The following CEP192 variants were observed in gnomAD, a reference collection of about 807,000 sequenced individuals.
The protein encoded by CEP192 is centrosomal protein 192, also known as centrosomal protein of 192 kDa.
In CEP192, 151 loss-of-function variants were observed where a neutral mutation model predicts 271.8. The ratio of observed to expected loss-of-function variants is 0.56; its 90% CI spans 0.49 to 0.64. CEP192 has a LOEUF of 0.64. Among genes scored for constraint, CEP192 ranks in the 30% least tolerant of loss-of-function variants. The pLI is 0.00. For synonymous variants in CEP192, 995 were observed against 1,076.5 expected, an observed-to-expected ratio of 0.92 and a Z score of 1.48; for missense variants, 2,910 against 3,020.5, an observed-to-expected ratio of 0.96 and a Z score of 0.86.
In CEP192 at chr18:13,099,557, T is replaced by A; in HGVS notation, c.6639T>A (p.Tyr2213Ter). Residue 2213 changes from tyrosine to a stop codon, truncating the protein, a stop_gained, in exon 37 of 45, where the codon TAT (tyrosine) becomes TAA (stop). Transcript: ENST00000506447. LOFTEE classifies it high-confidence loss of function. ...TGTTCCCGTGGAGTGGTTTGATCTA[T>A]ATACACTGTGACGATGGACAGAAGG... ...QSMFPWSGLI[Y>*]IHCDDGQKKI... 1 of 1,582,820 alleles carries A rather than the reference T, an allele frequency of 6.3e-7. No homozygotes were observed. The highest frequency in any genetic ancestry group is 8.6e-7 in the Non-Finnish European group (1 of 1,165,410).
chr18:13,069,705 G>T, intron 26 of CEP192, 33 bp from the exon 27 acceptor site: 1 of 1,271,664 alleles, frequency 7.9e-7, no homozygotes. Flanking sequence ...TTTGTAAGTC[G>T]GCATTCAATT....
At chr18:13,053,241 A>G (rs996257255) in intron 18 of CEP192, 151 bp downstream of exon 18, 3 of 654,982 alleles carry the variant, frequency 4.6e-6, no homozygotes, top group Non-Finnish European at 7.5e-6. Flanking sequence ...GCACATATTA[A>G]ATACCTACTC....
At chr18:13,105,960 A>G (rs1336624136) in intron 40 of CEP192, among the ~76,000 whole-genome samples, 1 of 152,196 alleles carries the variant, frequency 6.6e-6, no homozygotes, top group Non-Finnish European at 1.5e-5. Flanking sequence ...TATTCAGCAC[A>G]GTCCCAATCA....
At position 12,994,830 on chromosome 18, in the gene CEP192, T is replaced by C. The variant is rs2033110315; in HGVS notation, c.-5+3393T>C. Among the ~76,000 whole-genome samples, 3 of 152,294 alleles carry C rather than the reference T, an allele frequency of 2.0e-5. No homozygotes were observed. The South Asian group carries it at 6.2e-4, about 32-fold the overall frequency. Reference sequence around the variant, plus strand: ...GTTGAGATCCCTAGTGTGTAAGAAGTAAATTGCATGATGCAAAGTCTGAGG... The same window carrying C: ...GTTGAGATCCCTAGTGTGTAAGAAGCAAATTGCATGATGCAAAGTCTGAGG... On this transcript the variant is annotated intron_variant, in intron 1 of 44. Coordinates refer to ENST00000506447, the MANE Select transcript of CEP192 (RefSeq NM_032142.4).
At chr18:13,088,923 T>C (rs566279334) in intron 32 of CEP192, 23 of 447,680 alleles carry the variant, frequency 5.1e-5, no homozygotes, top group South Asian at 3.5e-4. Flanking sequence ...ATGTTTTTTT[T>C]TCTCTCAATT....
intron 27 of CEP192, among the ~76,000 whole-genome samples, chr18:13,070,061 T>C (rs1034623461): frequency 1.3e-5 from 2 of 151,984 alleles, no homozygotes; most frequent in African/African-American, 4.8e-5. Flanking sequence ...CTCAGGAGGC[T>C]GAGGCAGGAG....
intron 30 of CEP192, among the ~76,000 whole-genome samples, chr18:13,077,311 C>T (rs1309914922): frequency 6.6e-6 from 1 of 152,052 alleles, no homozygotes; most frequent in African/African-American, 2.4e-5. Context: ...TTTTTGAGTG[C>T]CAACATGATG....
At position 13,068,091 on chromosome 18, in the gene CEP192, C is replaced by T; in HGVS notation, c.4615-3C>T. 2 of 1,614,072 alleles carry T rather than the reference C, an allele frequency of 1.2e-6. No homozygotes were observed. Among genetic ancestry groups the T allele is most frequent in the African/African-American group, 1.3e-5 (1 of 75,040 alleles). On this transcript the variant is annotated splice_polypyrimidine_tract_variant and splice_region_variant and intron_variant, in intron 22 of 44. Transcript: ENST00000506447. ...CTGAACTGATTCTTGTATTTCTAAA[C>T]AGAACGCTGTAGCCTGGCGCTGTTT...
intron 13 of CEP192, 136 bp downstream of exon 13, chr18:13,038,715 C>T (rs2143752133): frequency 4.4e-6 from 3 of 678,674 alleles, no homozygotes; most frequent in Non-Finnish European, 7.6e-6. Flanking sequence ...GTTTCATCAT[C>T]AGTCAGACCT....
intron 39 of CEP192, among the ~76,000 whole-genome samples, chr18:13,104,760 A>T (rs989648743): frequency 1.3e-5 from 2 of 152,244 alleles, no homozygotes; most frequent in Non-Finnish European, 2.9e-5. Flanking sequence ...GGGAAGTGAT[A>T]AAAATCACCT....
At chr18:13,035,307 C>T (rs2035858090) in intron 11 of CEP192, among the ~76,000 whole-genome samples, 1 of 152,154 alleles carries the variant, frequency 6.6e-6, no homozygotes, top group Non-Finnish European at 1.5e-5. Context: ...TAAAGACATA[C>T]CCGAAACTGG....
At chr18:13,058,370 C>T (rs2037226874) in intron 20 of CEP192, 1 of 152,328 alleles carries the variant, frequency 6.6e-6, no homozygotes, top group South Asian at 2.1e-4. Flanking sequence ...AGTTTTACGA[C>T]TGTTACTTGT....
chr18:13,037,203 G>C (rs948191117), intron 11 of CEP192, 34 bp from the exon 12 acceptor site: 1 of 856,296 alleles, frequency 1.2e-6, no homozygotes, highest in Non-Finnish European at 1.9e-6. Context: ...TTAGGCATTA[G>C]TGTAATGTAT....
chr18:13,076,197 C>T (rs771225353), intron 30 of CEP192, among the ~76,000 whole-genome samples: 91 of 152,054 alleles, frequency 6.0e-4, no homozygotes, highest in Non-Finnish European at 1.2e-3. Flanking sequence ...TGTGGATTTA[C>T]GGTGTTAGAT....
chr18:13,096,187 A>G lies in CEP192; in HGVS notation c.6437A>G (p.Asp2146Gly), dbSNP rs577613331. ...HLILVAPSPC[D>G]MAKTGRFQIV... ...TTTTATGTATCTGACAAAATAGGTG[A>G]CATGGCAAAAACTGGACGTTTCCAG... Residue 2146 changes from aspartate to glycine, a missense_variant, in exon 36 of 45, where the codon GAC becomes GGC. Transcript: ENST00000506447. The G allele has an allele frequency of 5.3e-4, 850 of 1,613,712 alleles. 9 individuals are homozygous for G. Among genetic ancestry groups the G allele is most frequent in the South Asian group, 5.2e-3 (477 of 90,964 alleles).
chr18:13,009,827 C>A (rs778593045), intron 4 of CEP192, among the ~76,000 whole-genome samples: 1 of 151,592 alleles, frequency 6.6e-6, no homozygotes, highest in Admixed American at 6.6e-5. Flanking sequence ...TGTAAGCCTT[C>A]GTCTCAAAAA....
At chr18:13,060,485 A>C (rs765683964) in intron 21 of CEP192, among the ~76,000 whole-genome samples, 4 of 152,214 alleles carry the variant, frequency 2.6e-5, no homozygotes, top group Non-Finnish European at 5.9e-5. Context: ...AATTCATAAA[A>C]GAAATTATAC....
chr18:13,120,680 G>A (rs189892359), intron 44 of CEP192, among the ~76,000 whole-genome samples: 169 of 152,138 alleles, frequency 1.1e-3, no homozygotes, highest in Non-Finnish European at 1.7e-3. Flanking sequence ...TATTAGTGGC[G>A]GACACTTAAG....
At chr18:12,992,604 T>A (rs1214909342) in intron 1 of CEP192, among the ~76,000 whole-genome samples, 1 of 152,184 alleles carries the variant, frequency 6.6e-6, no homozygotes, top group Non-Finnish European at 1.5e-5. Flanking sequence ...AATGCAATAA[T>A]GTGAGAAATT....
Sources: gnomAD v4.1 joint callset for allele counts (sites outside exome capture counted in the v4.1 genomes callset) on GRCh38, gnomAD v4.1.1 for gene constraint, MANE v1.5 for transcripts, NCBI Gene and HGNC (gene_info 2026-07-23, HGNC 2026-07-21) for gene names.